Variants in OTOP1 observed in about 807,000 individuals in gnomAD.
OTOP1 encodes the protein proton channel OTOP1.
In OTOP1, 59 loss-of-function variants were observed where a neutral mutation model predicts 52.9. The ratio of observed to expected loss-of-function variants is 1.12; its 90% CI spans 0.91 to 1.39. The LOEUF (loss-of-function observed/expected upper bound fraction) is 1.39, where lower values mean the gene tolerates loss of function less well. Among genes scored for constraint, OTOP1 ranks in the 40% most tolerant of loss-of-function variants. The pLI is 0.00. For synonymous variants in OTOP1, 317 were observed against 337.7 expected (o/e 0.94, Z 0.67); for missense variants, 761 against 800.9 (o/e 0.95, Z 0.60).
intron 2 of OTOP1, among the ~76,000 whole-genome samples, chr4:4,207,185 C>G (rs1008323782): frequency 5.8e-5 from 7 of 120,522 alleles, no homozygotes; most frequent in African/African-American, 2.4e-4. Context: ...CTTGAAACAA[C>G]CAATAATAAA....
At chr4:4,198,697 G>A (rs1443745116) in intron 4 of OTOP1, among the ~76,000 whole-genome samples, 5 of 152,166 alleles carry the variant, frequency 3.3e-5, no homozygotes, top group African/African-American at 1.2e-4. Flanking sequence ...ATCGGTGCGG[G>A]GAAAGTAAAC....
At chr4:4,193,742 G>A (rs967499214) in intron 5 of OTOP1, among the ~76,000 whole-genome samples, 13 of 152,174 alleles carry the variant, frequency 8.5e-5, no homozygotes, top group African/African-American at 3.1e-4. Flanking sequence ...TGGCTTTCGG[G>A]TCCTGACAGA....
At position 4,197,881 on chromosome 4, in the gene OTOP1, C is replaced by A; in HGVS notation, c.953G>T (p.Gly318Val). Reference protein sequence around the residue: ...SDGVMVGAVLGLTVLAATIAV... With the variant: ...SDGVMVGAVLVLTVLAATIAV... ...AATGGTGGCGGCCAGCACGGTCAGG[C>A]CCAGGACTGCGCCCACCATGACCCC... Residue 318 changes from glycine to valine, a missense_variant, in exon 5 of 6, where the codon GGC becomes GTC. Coordinates refer to ENST00000296358, the MANE Select transcript of OTOP1 (RefSeq NM_177998.3). 1 of 1,614,024 alleles carries A rather than the reference C, an allele frequency of 6.2e-7. No individual in the cohort carries two copies. The highest frequency in any genetic ancestry group is 8.5e-7 in the Non-Finnish European group (1 of 1,180,014).
At chr4:4,204,058 C>T (rs1716845760) in intron 3 of OTOP1, among the ~76,000 whole-genome samples, 1 of 152,152 alleles carries the variant, frequency 6.6e-6, no homozygotes, top group African/African-American at 2.4e-5. Context: ...ATGATCTGCC[C>T]ACGGGGAAAA....
chr4:4,207,462 G>T, intron 2 of OTOP1, among the ~76,000 whole-genome samples: 1 of 152,060 alleles, frequency 6.6e-6, no homozygotes, highest in East Asian at 1.9e-4. Context: ...GCTGGTTTCA[G>T]TTGATTTCCT....
At chr4:4,220,404 T>C (rs1450156608) in intron 1 of OTOP1, among the ~76,000 whole-genome samples, 14 of 152,130 alleles carry the variant, frequency 9.2e-5, no homozygotes, top group Admixed American at 7.9e-4. Context: ...ATGTTGGATG[T>C]CTGTGGAATA....
At chr4:4,196,661 G>A (rs897173915) in intron 5 of OTOP1, among the ~76,000 whole-genome samples, 1 of 152,158 alleles carries the variant, frequency 6.6e-6, no homozygotes, top group African/African-American at 2.4e-5. Flanking sequence ...CCAGGAGGTC[G>A]AAGCTGCAGT....
intron 2 of OTOP1, among the ~76,000 whole-genome samples, chr4:4,209,489 A>T (rs1233047114): frequency 1.3e-5 from 2 of 152,160 alleles, no homozygotes; most frequent in South Asian, 4.1e-4. Context: ...TAAGAGGGAT[A>T]TTTTGAAAAT....
chr4:4,197,221 G>T lies in OTOP1; in HGVS notation c.1613C>A (p.Ala538Asp). 6.2e-7 allele frequency: 1 copy of T among 1,614,064 alleles called. No homozygotes were observed. Among genetic ancestry groups the T allele is most frequent in the East Asian group, 2.2e-5 (1 of 44,890 alleles). The stretch of plus-strand genomic sequence containing the variant: ...AATATTCCTCAGGACTTTTCTCTTG[G>T]CGTTGCCCTGTAAGAAACGGGGAAG... ...VRLPRFLQGN[A>D]KRKVLRNIAA... The change falls in exon 5 of 6, where the codon GCC (alanine) becomes GAC (aspartate). Residue 538 changes from alanine (A) to aspartate (D), a missense_variant. Physicochemically the swap from Ala to Asp is moderately radical, Grantham distance 126. Around this residue, in one of 3 missense-constraint regions of OTOP1, gnomAD observed 632 missense variants for 619.5 expected, o/e 1.02. Coordinates refer to ENST00000296358, the MANE Select transcript of OTOP1 (RefSeq NM_177998.3).
rs1037309448 is a variant in OTOP1, at chr4:4,226,445, C to A, written c.403+17G>T. 4.9e-6 allele frequency: 7 copies of A among 1,415,776 alleles called. No homozygotes were observed. The African/African-American group carries it at 1.0e-4, about 21-fold the overall frequency. The allele number at this position is 1,415,776 out of a possible 1,614,324, so 87.7% of individuals were successfully genotyped here. On this transcript the variant is annotated intron_variant, in intron 1 of 5. Transcript: ENST00000296358. ...GGCGAGGAGGCGGAGACCCGCTCGC[C>A]CGGCGCCTGGACTCACCGCGCAGCC...
chr4:4,203,802 G>A (rs896531571), intron 3 of OTOP1, among the ~76,000 whole-genome samples: 1 of 152,200 alleles, frequency 6.6e-6, no homozygotes, highest in Admixed American at 6.5e-5. Flanking sequence ...TTGGAGAGCA[G>A]AGGCCCACAG....
rs755122685 is a variant in OTOP1 at position 4,202,554 on chromosome 4, G to A, written c.624C>T (p.Phe208=). The A allele has an allele frequency of 1.1e-5, 17 of 1,613,906 alleles. No individual in the cohort carries two copies. The highest frequency in any genetic ancestry group is 1.4e-5 in the Non-Finnish European group (17 of 1,179,938). Residue 208 remains phenylalanine, a synonymous_variant, in exon 4 of 6, where the codon TTC becomes TTT. Coordinates refer to ENST00000296358, the MANE Select transcript of OTOP1 (RefSeq NM_177998.3). ...LERFGVIHSV[F]TNLLLWANGV... is the part of the protein sequence containing the mutation. ...CATTGGCCCACAGAAGCAGGTTGGTGAACACCGAGTGGATCACTCCAAACC... is the reference window on the plus strand; with the variant it reads ...CATTGGCCCACAGAAGCAGGTTGGTAAACACCGAGTGGATCACTCCAAACC...
intron 1 of OTOP1, among the ~76,000 whole-genome samples, chr4:4,219,094 A>T (rs909726462): frequency 1.3e-5 from 2 of 152,140 alleles, no homozygotes; most frequent in African/African-American, 4.8e-5. Context: ...GTATCATCAT[A>T]AACATCGTAA....
intron 5 of OTOP1, among the ~76,000 whole-genome samples, chr4:4,193,745 C>G (rs1716563469): frequency 6.6e-6 from 1 of 152,200 alleles, no homozygotes; most frequent in Non-Finnish European, 1.5e-5. Context: ...CTTTCGGGTC[C>G]TGACAGACCA....
rs1242529748 is a variant in OTOP1, at chr4:4,218,382, A to G, written c.404-5378T>C. ...ACTCCAGCATGGGTGACAGAGCGAG[A>G]CTCCAACTCAAAAAAAAAAAAAACC... On this transcript the variant is annotated intron_variant, in intron 1 of 5. Transcript: ENST00000296358. 6.1e-5 allele frequency among the ~76,000 whole-genome samples: 7 copies of G among 115,590 alleles called. No individual in the cohort carries two copies. The East Asian group carries it at 1.4e-3, about 23-fold the overall frequency. 75.8% of individuals were successfully genotyped at this position (115,590 alleles called of 152,430 possible).
At chr4:4,218,541 G>A (rs1469971160) in intron 1 of OTOP1, among the ~76,000 whole-genome samples, 1 of 152,182 alleles carries the variant, frequency 6.6e-6, no homozygotes, top group Non-Finnish European at 1.5e-5. Context: ...ATCCCATTAG[G>A]TAGAGAGGAA....
At chr4:4,198,248 A>G in intron 4 of OTOP1, 145 bp from the exon 5 acceptor site, 1 of 667,232 alleles carries the variant, frequency 1.5e-6, no homozygotes, top group Non-Finnish European at 2.5e-6. Flanking sequence ...GCTTATTATC[A>G]CGTTTAATAT....
chr4:4,207,549 C>CT (rs1012100490), intron 2 of OTOP1, among the ~76,000 whole-genome samples: 50 of 145,316 alleles, frequency 3.4e-4, no homozygotes, highest in Admixed American at 8.3e-4. Context: ...ATGCTTTTTG[C>CT]TTTTTTTTTT....
intron 1 of OTOP1, among the ~76,000 whole-genome samples, chr4:4,219,934 CATATATACACAT>C (rs1310397902): frequency 5.1e-5 from 7 of 137,972 alleles, no homozygotes; most frequent in African/African-American, 1.7e-4. Flanking sequence ...TACATGTATA[CATATATACACAT>C]ATATACGTAT....
Sources: gnomAD v4.1 joint callset for allele counts (sites outside exome capture counted in the v4.1 genomes callset) on GRCh38, gnomAD v4.1.1 for gene constraint, gnomAD v4.1.1 regional missense constraint, MANE v1.5 for transcripts, NCBI Gene and HGNC (gene_info 2026-07-23, HGNC 2026-07-21) for gene names.